MEI1: variants seen among roughly 807,000 people sequenced by gnomAD.
The protein encoded by MEI1 is meiosis inhibitor protein 1.
MEI1 carries 103 observed loss-of-function variants against 146.2 expected under a neutral mutation model. That is an observed-to-expected ratio of 0.70 (90% CI 0.60 to 0.83). The LOEUF is 0.83. MEI1 is among the 40% of genes least tolerant of loss of function. The pLI, the probability that MEI1 is intolerant of heterozygous loss-of-function variation, is 0.00. For synonymous variants in MEI1, 652 were observed against 628.2 expected (o/e 1.04, Z -0.57); for missense variants, 1,529 against 1,533.0 (o/e 1.00, Z 0.04).
Position 41,730,652 on chromosome 22 carries a change from T to G in MEI1, c.1096+15T>G. 6.4e-7 allele frequency: 1 copy of G among 1,568,344 alleles called. No individual in the cohort carries two copies. The highest frequency in any genetic ancestry group is 8.8e-7 in the Non-Finnish European group (1 of 1,138,460). ...CACGGTGTATGGTTGGTAGTAAGGG[T>G]CCTGTACTAGCTTTGGGTTGGGTGG... On this transcript the variant is annotated intron_variant, in intron 9 of 30. Coordinates refer to ENST00000401548, the MANE Select transcript of MEI1 (RefSeq NM_152513.4).
In MEI1 at chr22:41,758,456, G is replaced by A. The variant is rs549613553; in HGVS notation, c.2043G>A (p.Gln681=). The change falls in exon 18 of 31, where the codon CAG becomes CAA. Residue 681 remains glutamine (Q), a synonymous_variant. Coordinates refer to ENST00000401548, the MANE Select transcript of MEI1 (RefSeq NM_152513.4). ...PESLAFLSDR[Q]YMEGAARQRQ... is the part of the protein sequence containing the mutation. ...GCCTTGCCTTCCTGTCTGATCGCCA[G>A]TACATGGAGGGAGCTGCTCGCCAGA... The A allele has an allele frequency of 1.9e-6, 3 of 1,613,928 alleles. No individual in the cohort carries two copies. In the African/African-American group the frequency reaches 4.0e-5, roughly 22 times the overall value.
chr22:41,763,252 A>T lies in MEI1; in HGVS notation c.2199A>T (p.Pro733=), dbSNP rs376371459. The change falls in exon 19 of 31, where the codon CCA becomes CCT. Residue 733 remains proline, a synonymous_variant. Coordinates refer to ENST00000401548, the MANE Select transcript of MEI1 (RefSeq NM_152513.4). Reference sequence around the variant, plus strand: ...TGCAGGACCAGGGCGAGCGCCCCCCACTGGTGGTCTTCAAAGCCTCCATCT... The same window carrying T: ...TGCAGGACCAGGGCGAGCGCCCCCCTCTGGTGGTCTTCAAAGCCTCCATCT... ...LSLQDQGERP[P]LVVFKASIYL... 1.9e-6 allele frequency: 3 copies of T among 1,613,838 alleles called. No individual in the cohort carries two copies. Among genetic ancestry groups the T allele is most frequent in the Non-Finnish European group, 1.7e-6 (2 of 1,179,830 alleles).
intron 3 of MEI1, among the ~76,000 whole-genome samples, chr22:41,706,913 G>A (rs958442658): frequency 1.1e-4 from 17 of 151,952 alleles, no homozygotes; most frequent in Non-Finnish European, 1.8e-4. Flanking sequence ...TAAGTAGGCC[G>A]GGCGCAGTGG....
intron 15 of MEI1, 122 bp downstream of exon 15, chr22:41,748,340 CTATT>C (rs1471385606): frequency 5.7e-6 from 4 of 706,160 alleles, no homozygotes; most frequent in South Asian, 3.4e-5. Context: ...GAATCTGTAT[CTATT>C]CTTTGTCCAG....
chr22:41,752,009 G>T (rs1382903772), intron 15 of MEI1, among the ~76,000 whole-genome samples: 6 of 151,916 alleles, frequency 3.9e-5, no homozygotes. Flanking sequence ...GGTGGAGGTT[G>T]CAGTGAGCTG....
chr22:41,737,031 G>C (rs923331185), intron 11 of MEI1, among the ~76,000 whole-genome samples: 1 of 152,148 alleles, frequency 6.6e-6, no homozygotes, highest in Non-Finnish European at 1.5e-5. Flanking sequence ...GTCACTTCTT[G>C]TTCATTCCTC....
At chr22:41,794,039 A>C in intron 27 of MEI1, 129 bp downstream of exon 27, 1 of 908,840 alleles carries the variant, frequency 1.1e-6, no homozygotes, top group Non-Finnish European at 1.7e-6. Context: ...TTCTTTTAGC[A>C]GCACTGCAAG....
intron 8 of MEI1, among the ~76,000 whole-genome samples, chr22:41,730,096 A>G (rs2071725239): frequency 1.3e-5 from 2 of 152,334 alleles, no homozygotes; most frequent in East Asian, 1.9e-4. Flanking sequence ...TTAGGTCTTC[A>G]TCTTCACTAT....
chr22:41,783,164 C>G (rs1313015334), intron 24 of MEI1, among the ~76,000 whole-genome samples: 1 of 151,692 alleles, frequency 6.6e-6, no homozygotes, highest in Non-Finnish European at 1.5e-5. Flanking sequence ...TTTTTTTTGT[C>G]TGTTTTGTTT....
intron 2 of MEI1, 41 bp downstream of exon 2, chr22:41,703,495 T>C: frequency 1.3e-6 from 2 of 1,500,284 alleles, no homozygotes; most frequent in Non-Finnish European, 8.9e-7. Flanking sequence ...TTTGAATGTA[T>C]AGTATGTATA....
intron 3 of MEI1, among the ~76,000 whole-genome samples, chr22:41,706,682 C>T (rs1486478106): frequency 1.3e-5 from 2 of 151,090 alleles, no homozygotes; most frequent in Non-Finnish European, 2.9e-5. Flanking sequence ...CCACTGCACT[C>T]TAGCGTGGAT....
intron 3 of MEI1, among the ~76,000 whole-genome samples, chr22:41,706,083 A>G (rs189842124): frequency 6.6e-6 from 1 of 151,970 alleles, no homozygotes; most frequent in African/African-American, 2.4e-5. Context: ...CAGTGGTACA[A>G]TCATAGCTCA....
chr22:41,741,114 T>G (rs965083280), intron 11 of MEI1, among the ~76,000 whole-genome samples: 3 of 152,200 alleles, frequency 2.0e-5, no homozygotes, highest in African/African-American at 7.2e-5. Context: ...TTTCATATCA[T>G]AATGTTTTAA....
intron 11 of MEI1, 91 bp from the exon 12 acceptor site, chr22:41,742,989 A>G: frequency 1.2e-6 from 1 of 836,836 alleles, no homozygotes; most frequent in Non-Finnish European, 2.0e-6. Context: ...TTCTGATCCA[A>G]CTGCACTGCC....
intron 17 of MEI1, among the ~76,000 whole-genome samples, chr22:41,754,681 C>T (rs188529456): frequency 3.3e-5 from 5 of 152,218 alleles, no homozygotes; most frequent in East Asian, 1.9e-4. Context: ...TAATCTGCCT[C>T]GGCCTCCCAA....
intron 3 of MEI1, among the ~76,000 whole-genome samples, chr22:41,711,321 C>T (rs1415915497): frequency 3.3e-5 from 5 of 152,168 alleles, no homozygotes; most frequent in Admixed American, 6.5e-5. Context: ...TATAGGCGCC[C>T]GCCATTGCGC....
At chr22:41,760,021 A>G (rs910426081) in intron 18 of MEI1, among the ~76,000 whole-genome samples, 2 of 151,622 alleles carry the variant, frequency 1.3e-5, no homozygotes, top group African/African-American at 2.4e-5. Flanking sequence ...TAAAAATACA[A>G]AAATCAGGCC....
intron 20 of MEI1, among the ~76,000 whole-genome samples, chr22:41,773,797 C>T (rs2075309247): frequency 6.6e-6 from 1 of 152,114 alleles, no homozygotes; most frequent in Non-Finnish European, 1.5e-5. Context: ...ATCGCTTGAA[C>T]CCAGGAGGCG....
rs767922105 is a variant in MEI1 at position 41,781,327 on chromosome 22, C to T, written c.2859C>T (p.Ile953=). 1 of 1,613,494 alleles carries T rather than the reference C, an allele frequency of 6.2e-7. No individual in the cohort carries two copies. Among genetic ancestry groups the T allele is most frequent in the Non-Finnish European group, 8.5e-7 (1 of 1,179,748 alleles). Residue 953 remains isoleucine (I), a synonymous_variant, in exon 23 of 31, where the codon ATC becomes ATT. Transcript: ENST00000401548. ...AGTGCAGCCCCACTGACGTGGACAT[C>T]CTGCAGCCCTCCTTCAACTTCCTGT... ...CGKCSPTDVD[I]LQPSFNFLYW...
Sources: gnomAD v4.1 joint callset for allele counts (sites outside exome capture counted in the v4.1 genomes callset) on GRCh38, gnomAD v4.1.1 for gene constraint, MANE v1.5 for transcripts, NCBI Gene and HGNC (gene_info 2026-07-23, HGNC 2026-07-21) for gene names.